The following ANKRD28 variants were observed in gnomAD, a reference collection of about 807,000 sequenced individuals.
ANKRD28 encodes the protein ankyrin repeat domain 28.
Under a neutral mutation model 126.5 loss-of-function variants are expected in ANKRD28, and 44 were observed. That is an observed-to-expected ratio of 0.35 (90% CI 0.27 to 0.45). The LOEUF (loss-of-function observed/expected upper bound fraction) is 0.45, where lower values mean the gene tolerates loss of function less well. Ranked by LOEUF, ANKRD28 falls within the 20% of genes least tolerant of loss-of-function variation. The pLI, the probability that ANKRD28 is intolerant of heterozygous loss-of-function variation, is 1.00. For missense variants in ANKRD28, 1,110 were observed against 1,316.6 expected, an observed-to-expected ratio of 0.84 and a Z score of 2.43; for synonymous variants, 442 against 468.5, an observed-to-expected ratio of 0.94 and a Z score of 0.73.
At chr3:15,708,606 A>G (rs922973366) in intron 13 of ANKRD28, among the ~76,000 whole-genome samples, 1 of 152,220 alleles carries the variant, frequency 6.6e-6, no homozygotes, top group African/African-American at 2.4e-5. Flanking sequence ...AGTACTAAAA[A>G]TTAATATAAA....
chr3:15,755,020 T>G (rs1018713748), intron 3 of ANKRD28, among the ~76,000 whole-genome samples: 1 of 152,068 alleles, frequency 6.6e-6, no homozygotes, highest in African/African-American at 2.4e-5. Context: ...TCCAAGCTAC[T>G]CGGGAGGCTG....
In ANKRD28 at chr3:15,724,402, G is replaced by C; in HGVS notation, c.763C>G (p.Leu255Val). The C allele has an allele frequency of 1.2e-6, 2 of 1,606,944 alleles. No individual in the cohort carries two copies. The highest frequency in any genetic ancestry group is 1.7e-6 in the Non-Finnish European group (2 of 1,176,388). The change falls in exon 7 of 28, where the codon CTT (leucine) becomes GTT (valine). Residue 255 changes from leucine (L) to valine (V), a missense_variant. Leu to Val is a conservative substitution (Grantham distance 32). Coordinates refer to ENST00000683139, the MANE Select transcript of ANKRD28 (RefSeq NM_001349278.2). ...SSGMISVVKY[L>V]LDLGVDMNEP... is the part of the protein sequence containing the mutation. ...CCTACATCAACTCCAAGATCTAGAA[G>C]GTACTTGACTACGCTGATCATTCCA...
At chr3:15,762,566 ATTTTTC>A (rs2058545460) in intron 3 of ANKRD28, among the ~76,000 whole-genome samples, 1 of 152,016 alleles carries the variant, frequency 6.6e-6, no homozygotes, top group Non-Finnish European at 1.5e-5. Flanking sequence ...GAAATAAATT[ATTTTTC>A]ATTTTCCCCC....
chr3:15,688,964 C>T (rs1442202900), intron 18 of ANKRD28, among the ~76,000 whole-genome samples: 2 of 152,160 alleles, frequency 1.3e-5, no homozygotes, highest in Non-Finnish European at 2.9e-5. Flanking sequence ...ATAACTTCTA[C>T]CAGAAAGAAA....
intron 1 of ANKRD28, among the ~76,000 whole-genome samples, chr3:15,849,594 C>T (rs568266293): frequency 7.9e-5 from 12 of 152,244 alleles, no homozygotes; most frequent in African/African-American, 2.6e-4. Context: ...GAAAAATAAC[C>T]CTTACTTCCA....
intron 3 of ANKRD28, among the ~76,000 whole-genome samples, chr3:15,758,830 C>T (rs771818120): frequency 2.6e-4 from 40 of 152,164 alleles, no homozygotes; most frequent in Non-Finnish European, 4.3e-4. Flanking sequence ...GAGACACATA[C>T]TTTAGGTTTC....
At chr3:15,782,398 T>G (rs1167103738) in intron 2 of ANKRD28, among the ~76,000 whole-genome samples, 1 of 152,136 alleles carries the variant, frequency 6.6e-6, no homozygotes, top group Non-Finnish European at 1.5e-5. Context: ...AAGACATTTA[T>G]AATGAAATTA....
rs2060852557 is a variant in ANKRD28, at chr3:15,817,296, C to T, written c.28-21990G>A. 6.6e-6 allele frequency among the ~76,000 whole-genome samples: 1 copy of T among 151,764 alleles called. No individual in the cohort carries two copies. ...TTTCCTTGTTATTTTGTTTTTGTCC[C>T]AACTAGATAGAAAATTTTATAGGTT... is the stretch of plus-strand genomic sequence containing the variant. On this transcript the variant is annotated intron_variant, in intron 1 of 27. Coordinates refer to the ANKRD28 transcript ENST00000399451. This position sits in a 1 kb window ranked among gnomAD's most constrained non-coding sequence, Gnocchi z 4.5.
intron 2 of ANKRD28, among the ~76,000 whole-genome samples, chr3:15,790,238 A>G (rs991728132): frequency 2.1e-4 from 32 of 152,046 alleles, no homozygotes; most frequent in African/African-American, 7.0e-4. Context: ...ACTAATACCA[A>G]TCCTACTCAA....
intron 6 of ANKRD28, chr3:15,731,844 G>C (rs901776542): frequency 2.1e-5 from 1 of 47,386 alleles, no homozygotes; most frequent in African/African-American, 1.1e-4. Flanking sequence ...GGGTGAAACT[G>C]TCTCAAAAAA....
rs183760401 is a variant in ANKRD28, at chr3:15,763,982, C to T, written c.280+2252G>A. Reference sequence around the variant, plus strand: ...CTCACACTTGTAATCTCAGCACTTTCGGAGGCTGAGGCAGGCAAATCACCT... The same window carrying T: ...CTCACACTTGTAATCTCAGCACTTTTGGAGGCTGAGGCAGGCAAATCACCT... On this transcript the variant is annotated intron_variant, in intron 3 of 27. Transcript: ENST00000683139. Among the ~76,000 whole-genome samples the T allele has an allele frequency of 2.4e-4, 37 of 152,198 alleles. 1 individual carries two copies. Among genetic ancestry groups the T allele is most frequent in the Middle Eastern group, 3.4e-3 (1 of 294 alleles).
rs2066105847 is a variant in ANKRD28, at chr3:15,668,676, A to G, written c.*1594T>C. The G allele has an allele frequency of 6.6e-6, 1 of 152,604 alleles. No individual in the cohort carries two copies. Among genetic ancestry groups the G allele is most frequent in the African/African-American group, 2.4e-5 (1 of 41,446 alleles). The allele number at this position is 152,604 out of a possible 1,614,324, so 9.5% of individuals were successfully genotyped here. A position where few individuals can be genotyped will look rare whatever the true frequency, so the allele number is the denominator to read the frequency against. The stretch of plus-strand genomic sequence containing the variant: ...AATCTTGATGTACTGAAAGAGTGCA[A>G]GTAAATACAGTATTCAAGCAGTCAC... On this transcript the variant is annotated 3_prime_UTR_variant, in exon 28 of 28. Coordinates refer to ENST00000683139, the MANE Select transcript of ANKRD28 (RefSeq NM_001349278.2).
chr3:15,793,105 CTTAT>C (rs999630259), intron 2 of ANKRD28, among the ~76,000 whole-genome samples: 2 of 152,128 alleles, frequency 1.3e-5, no homozygotes, highest in Non-Finnish European at 2.9e-5. Context: ...TCTCCAAATA[CTTAT>C]TTAAATAAAT....
chr3:15,797,895 G>A lies in ANKRD28; in HGVS notation c.-1374C>T, dbSNP rs997339829. The A allele has an allele frequency of 2.2e-5, 22 of 985,176 alleles. No homozygotes were observed. Among genetic ancestry groups the A allele is most frequent in the African/African-American group, 7.0e-5 (4 of 57,158 alleles). The allele number at this position is 985,176 out of a possible 1,614,324, so 61.0% of individuals were successfully genotyped here. ...ATCAGTCCCACAGAAGCATTCCAACGGAGCAACAGTCTGAAGAGCAAAGAC... is the reference window on the plus strand; with the variant it reads ...ATCAGTCCCACAGAAGCATTCCAACAGAGCAACAGTCTGAAGAGCAAAGAC... On this transcript the variant is annotated 5_prime_UTR_variant, in exon 1 of 28. Coordinates refer to ENST00000683139, the MANE Select transcript of ANKRD28 (RefSeq NM_001349278.2).
chr3:15,803,753 G>A lies in ANKRD28; in HGVS notation c.28-8447C>T, dbSNP rs907068314. 3.4e-5 allele frequency among the ~76,000 whole-genome samples: 4 copies of A among 117,068 alleles called. 1 individual carries two copies. Among genetic ancestry groups the A allele is most frequent in the Non-Finnish European group, 6.9e-5 (4 of 57,832 alleles). The allele number at this position is 117,068 out of a possible 152,430, so 76.8% of individuals were successfully genotyped here. ...ACTTAAGCAACCAGTGCTTATTGGA[G>A]TTTAAGAAATTTGGGACTTTTTTAG... On this transcript the variant is annotated intron_variant, in intron 1 of 27. Transcript: ENST00000399451.
chr3:15,727,889 G>A (rs1045856472), intron 6 of ANKRD28, among the ~76,000 whole-genome samples: 4 of 152,200 alleles, frequency 2.6e-5, no homozygotes, highest in African/African-American at 9.7e-5. Flanking sequence ...AAGATGCTGT[G>A]AATGTTGTTG....
Position 15,685,369 on chromosome 3 carries a change from C to T in ANKRD28, c.2246G>A (p.Gly749Asp), listed in dbSNP as rs1192750949. The change falls in exon 21 of 28, where the codon GGC (glycine) becomes GAC (aspartate). Residue 749 changes from glycine (G) to aspartate (D), a missense_variant. By Grantham distance (94) the Gly-to-Asp change is moderately conservative. Transcript: ENST00000683139. ...AGCAGACAGGTGTATAGGCGTCCGG[C>T]CCCTGCTATCCCGAAGTAAGCACTT... Reference protein sequence around the residue: ...GAKCLLRDSRGRTPIHLSAAC... With the variant: ...GAKCLLRDSRDRTPIHLSAAC... The T allele has an allele frequency of 1.2e-6, 2 of 1,613,976 alleles. No individual in the cohort carries two copies. Among genetic ancestry groups the T allele is most frequent in the South Asian group, 1.1e-5 (1 of 91,086 alleles).
chr3:15,675,775 C>T (rs764813434), intron 27 of ANKRD28, 123 bp downstream of exon 27: 1 of 792,164 alleles, frequency 1.3e-6, no homozygotes, highest in Non-Finnish European at 1.9e-6. Flanking sequence ...ACAAACTACT[C>T]TTCAATATTA....
At chr3:15,844,699 T>C (rs763486721) in intron 1 of ANKRD28, among the ~76,000 whole-genome samples, 22 of 152,158 alleles carry the variant, frequency 1.4e-4, no homozygotes, top group Non-Finnish European at 2.5e-4. Flanking sequence ...AATCTCCGTA[T>C]TGATAATCTG....
Sources: allele counts gnomAD v4.1 joint callset (sites outside exome capture counted in the v4.1 genomes callset), GRCh38; gene constraint gnomAD v4.1.1; non-coding constraint Gnocchi (gnomAD v3.1); transcripts MANE v1.5; gene names NCBI Gene and HGNC (gene_info 2026-07-23, HGNC 2026-07-21).